The following SCN7A variants were observed in gnomAD, a reference collection of about 807,000 sequenced individuals.
SCN7A encodes sodium voltage-gated channel alpha subunit 7.
In SCN7A, 138 loss-of-function variants were observed where a neutral mutation model predicts 155.2. The ratio of observed to expected loss-of-function variants is 0.89; its 90% CI spans 0.77 to 1.02. SCN7A has a LOEUF of 1.02. Ranked by LOEUF, SCN7A falls within the 50% of genes least tolerant of loss-of-function variation. The pLI is 0.00. For missense variants in SCN7A, 2,058 were observed against 1,986.6 expected (o/e 1.04, Z -0.68); for synonymous variants, 693 against 649.0 (o/e 1.07, Z -1.03).
rs80098689 is a variant in SCN7A at position 166,405,728 on chromosome 2, C to A, written c.4901G>T (p.Arg1634Leu). ...QEAVSATIIQ[R>L]AYKNYRLRRN... ...CCTCAAGCGGTAATTTTTATAAGCA[C>A]GTTGAATGATGGTTGCTGAAACTGC... Residue 1634 changes from arginine (R) to leucine (L), a missense_variant, in exon 26 of 26, where the codon CGT becomes CTT. Arg to Leu is a moderately radical substitution (Grantham distance 102). Coordinates refer to ENST00000643258, the MANE Select transcript of SCN7A (RefSeq NM_002976.4). 5.6e-6 allele frequency: 9 copies of A among 1,612,990 alleles called. No homozygotes were observed. Among genetic ancestry groups the A allele is most frequent in the Non-Finnish European group, 6.8e-6 (8 of 1,179,306 alleles).
chr2:166,418,284 C>CTTTTTTTT (rs71031244), intron 20 of SCN7A, among the ~76,000 whole-genome samples: 3 of 60,668 alleles, frequency 4.9e-5, no homozygotes, highest in African/African-American at 1.4e-4. Flanking sequence ...CCCCGCCAGG[C>CTTTTTTTT]TTTTTTTTTT....
At chr2:166,458,437 T>G (rs1041836127) in intron 10 of SCN7A, among the ~76,000 whole-genome samples, 1 of 152,030 alleles carries the variant, frequency 6.6e-6, no homozygotes, top group Non-Finnish European at 1.5e-5. Context: ...GCATCAAAAC[T>G]ATACATATTA....
At position 166,465,771 on chromosome 2, in the gene SCN7A, T is replaced by C. The variant is rs1405573368; in HGVS notation, c.871+10A>G. The C allele has an allele frequency of 1.2e-6, 2 of 1,612,970 alleles. No homozygotes were observed. The highest frequency in any genetic ancestry group is 1.7e-5 in the Admixed American group (1 of 59,992). On this transcript the variant is annotated intron_variant, in intron 8 of 25. Transcript: ENST00000643258. Reference sequence around the variant, plus strand: ...TCAATTTTTGATATACATGGCAAGGTGATTCTTACCTCGAATATAATATGG... The same window carrying C: ...TCAATTTTTGATATACATGGCAAGGCGATTCTTACCTCGAATATAATATGG...
chr2:166,421,962 CTTTTTACCCTT>C (rs1356714338), intron 19 of SCN7A, among the ~76,000 whole-genome samples: 9 of 151,980 alleles, frequency 5.9e-5, no homozygotes, highest in Non-Finnish European at 5.9e-5. Context: ...AAAATTTCTT[CTTTTTACCCTT>C]TACTAAAGAG....
rs985239231 is a variant in SCN7A at position 166,471,731 on chromosome 2, G to T, written c.572+586C>A. On this transcript the variant is annotated intron_variant, in intron 6 of 25. Transcript: ENST00000643258. ...TGAAGCATTCCAGAAAATGTGGGGG[G>T]GGGGGTGGTGTTTAAGATATGTTAT... Among the ~76,000 whole-genome samples, 10 of 150,280 alleles carry T rather than the reference G, an allele frequency of 6.7e-5. No homozygotes were observed. In the East Asian group the frequency reaches 1.4e-3, roughly 21 times the overall value.
chr2:166,444,714 GATA>G, intron 13 of SCN7A, 45 bp downstream of exon 13: 1 of 1,083,454 alleles, frequency 9.2e-7, no homozygotes, highest in Admixed American at 2.4e-5. Flanking sequence ...AAAGTTCAAT[GATA>G]ACTAAGAAAC....
chr2:166,465,016 C>T lies in SCN7A; in HGVS notation c.941+446G>A, dbSNP rs555633579. Reference sequence around the variant, plus strand: ...TCCCCTCAACATTCATATTGAAATTCTAACTCCCAATGTGATTAGGAGATG... The same window carrying T: ...TCCCCTCAACATTCATATTGAAATTTTAACTCCCAATGTGATTAGGAGATG... On this transcript the variant is annotated intron_variant, in intron 9 of 25. Transcript: ENST00000643258. Among the ~76,000 whole-genome samples, 5 of 152,308 alleles carry T rather than the reference C, an allele frequency of 3.3e-5. No homozygotes were observed. In the South Asian group the frequency reaches 1.0e-3, roughly 32 times the overall value.
intron 11 of SCN7A, among the ~76,000 whole-genome samples, chr2:166,453,744 T>C (rs1702222900): frequency 3.3e-5 from 5 of 152,170 alleles, no homozygotes; most frequent in African/African-American, 4.8e-5. Flanking sequence ...TCCTATAACA[T>C]GAGGATATGA....
At chr2:166,448,471 T>A (rs1315766154) in intron 11 of SCN7A, among the ~76,000 whole-genome samples, 1 of 152,164 alleles carries the variant, frequency 6.6e-6, no homozygotes, top group African/African-American at 2.4e-5. Flanking sequence ...GTACATACCC[T>A]GCAGTGGGAT....
At chr2:166,489,952 T>C (rs766860085) in intron 1 of SCN7A, among the ~76,000 whole-genome samples, 2 of 152,018 alleles carry the variant, frequency 1.3e-5, no homozygotes, top group African/African-American at 2.4e-5. Context: ...CTCTAATTGA[T>C]AAATAGTAAT....
At chr2:166,416,655 T>G in intron 21 of SCN7A, 52 bp downstream of exon 21, 1 of 1,457,366 alleles carries the variant, frequency 6.9e-7, no homozygotes, top group South Asian at 1.4e-5. Context: ...GCATTCAACC[T>G]ACAATATGGA....
At chr2:166,418,678 A>G (rs921478289) in intron 20 of SCN7A, among the ~76,000 whole-genome samples, 1 of 152,110 alleles carries the variant, frequency 6.6e-6, no homozygotes, top group African/African-American at 2.4e-5. Flanking sequence ...ATCTTTTGTT[A>G]ATACTTTTAA....
At chr2:166,423,178 C>T (rs1701547176) in intron 19 of SCN7A, 81 bp downstream of exon 19, 1 of 1,372,124 alleles carries the variant, frequency 7.3e-7, no homozygotes, top group African/African-American at 1.5e-5. Context: ...AAAGATATAA[C>T]AAACTGACAG....
At chr2:166,407,729 CT>C (rs376425687) in intron 25 of SCN7A, among the ~76,000 whole-genome samples, 2 of 151,644 alleles carry the variant, frequency 1.3e-5, no homozygotes, top group Non-Finnish European at 2.9e-5. Context: ...GGGGGAAGTT[CT>C]TTTTTTAATC....
chr2:166,473,749 A>C (rs1702711391), intron 5 of SCN7A, 50 bp downstream of exon 5: 2 of 472,418 alleles, frequency 4.2e-6, no homozygotes, highest in Non-Finnish European at 6.8e-6. Flanking sequence ...AAAATATTAA[A>C]AATATACAAT....
intron 25 of SCN7A, among the ~76,000 whole-genome samples, chr2:166,406,978 A>G (rs979376787): frequency 2.6e-5 from 4 of 152,048 alleles, no homozygotes; most frequent in African/African-American, 9.7e-5. Context: ...TTTTATTGCT[A>G]TTGGATTAAG....
chr2:166,447,793 T>C (rs2105446676), intron 11 of SCN7A, 85 bp from the exon 12 acceptor site: 1 of 857,244 alleles, frequency 1.2e-6, no homozygotes, highest in Non-Finnish European at 1.9e-6. Context: ...TTGCTAAAAA[T>C]GCCACTTATT....
At chr2:166,420,161 TTC>T (rs1215699397) in intron 20 of SCN7A, among the ~76,000 whole-genome samples, 1 of 152,148 alleles carries the variant, frequency 6.6e-6, no homozygotes, top group Admixed American at 6.5e-5. Context: ...TCATTTATAT[TTC>T]TGTTTGTATT....
At chr2:166,453,189 T>C (rs1230991063) in intron 11 of SCN7A, among the ~76,000 whole-genome samples, 2 of 152,182 alleles carry the variant, frequency 1.3e-5, no homozygotes, top group Admixed American at 6.5e-5. Flanking sequence ...ATGTGAAATA[T>C]TGAGATAATT....
Sources: allele counts gnomAD v4.1 joint callset (sites outside exome capture counted in the v4.1 genomes callset), GRCh38; gene constraint gnomAD v4.1.1; transcripts MANE v1.5; gene names NCBI Gene and HGNC (gene_info 2026-07-23, HGNC 2026-07-21).